SUMF1: variants seen among roughly 807,000 people sequenced by gnomAD.
SUMF1 encodes the protein sulfatase modifying factor 1, also known as formylglycine-generating enzyme.
SUMF1 carries 48 observed loss-of-function variants against 47.6 expected under a neutral mutation model. That is an observed-to-expected ratio of 1.01 (90% CI 0.80 to 1.28). The LOEUF is 1.28. SUMF1 is among the 50% of genes most tolerant of loss of function. SUMF1 has a pLI of 0.00. For synonymous variants in SUMF1, 230 were observed against 192.1 expected (o/e 1.20, Z -1.63); for missense variants, 571 against 485.4 (o/e 1.18, Z -1.66).
At chr3:4,311,486 A>G (rs1211039430) in intron 8 of SUMF1, among the ~76,000 whole-genome samples, 2 of 152,226 alleles carry the variant, frequency 1.3e-5, no homozygotes, top group South Asian at 4.1e-4. Flanking sequence ...AATAAAAAAC[A>G]GCCCATGAAA....
At chr3:4,320,209 ATT>A (rs1698799236) in intron 8 of SUMF1, among the ~76,000 whole-genome samples, 1 of 152,206 alleles carries the variant, frequency 6.6e-6, no homozygotes, top group East Asian at 1.9e-4. Context: ...GAACATAACT[ATT>A]AGTACAAATG....
intron 8 of SUMF1, among the ~76,000 whole-genome samples, chr3:4,191,124 T>G (rs1695306313): frequency 6.6e-6 from 1 of 152,142 alleles, no homozygotes; most frequent in Non-Finnish European, 1.5e-5. Flanking sequence ...AGCCTGAACA[T>G]TCTGGCAGCA....
At chr3:4,205,631 T>A (rs1038729693) in intron 8 of SUMF1, among the ~76,000 whole-genome samples, 1 of 152,228 alleles carries the variant, frequency 6.6e-6, no homozygotes, top group Non-Finnish European at 1.5e-5. Context: ...GCAGCCATTA[T>A]CTGCTTTGGG....
intron 8 of SUMF1, among the ~76,000 whole-genome samples, chr3:4,174,649 C>T (rs1694917579): frequency 6.6e-6 from 1 of 152,074 alleles, no homozygotes; most frequent in African/African-American, 2.4e-5. Flanking sequence ...TCTGCATTTC[C>T]ACTGAGGTAC....
intron 8 of SUMF1, among the ~76,000 whole-genome samples, chr3:4,204,315 G>C (rs900946291): frequency 1.3e-5 from 2 of 151,912 alleles, no homozygotes; most frequent in East Asian, 1.9e-4. Context: ...ACTGTCTCCT[G>C]GTCTACAAAA....
chr3:4,090,088 A>C (rs1490685289), intron 8 of SUMF1, among the ~76,000 whole-genome samples: 2 of 152,190 alleles, frequency 1.3e-5, no homozygotes, highest in Admixed American at 1.3e-4. Flanking sequence ...GCACTAGCAC[A>C]GTGCCTGGCC....
chr3:4,358,505 G>A (rs1239525703), downstream of SUMF1, among the ~76,000 whole-genome samples: 2 of 152,310 alleles, frequency 1.3e-5, no homozygotes, highest in South Asian at 4.1e-4. Flanking sequence ...AGTAGAATGT[G>A]GAAGTCATGT....
chr3:4,250,321 A>C (rs1696768774), intron 8 of SUMF1, among the ~76,000 whole-genome samples: 1 of 139,368 alleles, frequency 7.2e-6, no homozygotes, highest in African/African-American at 2.6e-5. Context: ...GGAGAGAAGA[A>C]GGGAGGGAGG....
chr3:4,176,427 C>A (rs1325989030), intron 8 of SUMF1, among the ~76,000 whole-genome samples: 2 of 152,134 alleles, frequency 1.3e-5, no homozygotes, highest in Admixed American at 1.3e-4. Flanking sequence ...AATTTCATAT[C>A]CAGCTATACT....
intron 9 of SUMF1, among the ~76,000 whole-genome samples, chr3:4,038,231 G>C (rs1379035578): frequency 6.6e-6 from 1 of 152,154 alleles, no homozygotes; most frequent in African/African-American, 2.4e-5. Flanking sequence ...CCACCCCAGA[G>C]ATATGCAGGT....
intron 8 of SUMF1, among the ~76,000 whole-genome samples, chr3:4,072,910 T>G (rs540069584): frequency 1.3e-5 from 2 of 152,260 alleles, no homozygotes; most frequent in South Asian, 4.2e-4. Context: ...GAAAACAGTC[T>G]TCAAGATATT....
chr3:4,338,210 A>G (rs1043296342), intron 8 of SUMF1, among the ~76,000 whole-genome samples: 2 of 152,084 alleles, frequency 1.3e-5, no homozygotes, highest in African/African-American at 4.8e-5. Context: ...GGGAGCTACA[A>G]TCTGCAGGGA....
intron 9 of SUMF1, among the ~76,000 whole-genome samples, chr3:4,056,917 A>G (rs1208796776): frequency 6.6e-6 from 1 of 151,642 alleles, no homozygotes; most frequent in Non-Finnish European, 1.5e-5. Context: ...AATTTTTTGT[A>G]TTTTAAGTTA....
chr3:4,267,516 G>C (rs1439330252), intron 8 of SUMF1, among the ~76,000 whole-genome samples: 6 of 152,168 alleles, frequency 3.9e-5, no homozygotes, highest in Admixed American at 1.3e-4. Context: ...TTTGCATAGA[G>C]GTGTTTGTAG....
chr3:4,249,567 T>C (rs1464211612), intron 8 of SUMF1, among the ~76,000 whole-genome samples: 1 of 152,214 alleles, frequency 6.6e-6, no homozygotes, highest in Non-Finnish European at 1.5e-5. Flanking sequence ...ATGTTTGTGT[T>C]CTGACTGCTC....
intron 8 of SUMF1, among the ~76,000 whole-genome samples, chr3:4,298,499 A>G (rs1451831513): frequency 6.6e-6 from 1 of 152,232 alleles, no homozygotes. Flanking sequence ...CCGAAAAAAT[A>G]AAATAAAGTG....
rs147491592 is a variant in SUMF1, at chr3:4,108,368, G to A, written c.1015-39623C>T. Among the ~76,000 whole-genome samples the A allele has an allele frequency of 6.8e-3, 1,030 of 152,234 alleles. 4 individuals are homozygous for A. Among genetic ancestry groups the A allele is most frequent in the Non-Finnish European group, 0.011 (724 of 68,028 alleles). On this transcript the variant is annotated intron_variant and NMD_transcript_variant, in intron 8 of 12. Transcript: ENST00000448413. Reference sequence around the variant, plus strand: ...CTAAGTGGTCAATTTTGGAATAAGCGCAGTGTGGTGCTGAGAAGAATGTAT... The same window carrying A: ...CTAAGTGGTCAATTTTGGAATAAGCACAGTGTGGTGCTGAGAAGAATGTAT...
At position 4,239,976 on chromosome 3, in the gene SUMF1, AAG is replaced by A. The variant is rs1012966807; in HGVS notation, c.1014+136352_1014+136353del. Among the ~76,000 whole-genome samples, 60 of 152,160 alleles carry A rather than the reference AAG, an allele frequency of 3.9e-4. 1 individual carries two copies. The highest frequency in any genetic ancestry group is 1.4e-3 in the African/African-American group (60 of 41,442). On this transcript the variant is annotated intron_variant and NMD_transcript_variant, in intron 8 of 12. Transcript: ENST00000448413. ...TAGTTTATTGAGAGTTTTTAGCATG[AAG>A]AGGTGTTGAATTTTGTTGAAGGCCC... is the stretch of plus-strand genomic sequence containing the variant.
intron 7 of SUMF1, among the ~76,000 whole-genome samples, chr3:4,409,715 G>T (rs373827390): frequency 1.2e-4 from 19 of 152,264 alleles, no homozygotes; most frequent in African/African-American, 4.6e-4. Flanking sequence ...AGCCCCGCTG[G>T]AAAGTAAAAG....
Sources: allele counts gnomAD v4.1 joint callset (sites outside exome capture counted in the v4.1 genomes callset), GRCh38; gene constraint gnomAD v4.1.1; transcripts MANE v1.5; gene names NCBI Gene and HGNC (gene_info 2026-07-23, HGNC 2026-07-21).